Variants in GRAMD1A observed in about 807,000 individuals in gnomAD.
GRAMD1A encodes protein Aster-A.
A neutral mutation model predicts 92.0 loss-of-function variants in GRAMD1A; 50 were observed. The observed-to-expected ratio is 0.54, with a 90% confidence interval of 0.43 to 0.69. The LOEUF is 0.69. Among genes scored for constraint, GRAMD1A ranks in the 30% least tolerant of loss-of-function variants. The pLI, the probability that GRAMD1A is intolerant of heterozygous loss-of-function variation, is 0.00. For missense variants in GRAMD1A, 819 were observed against 978.9 expected (o/e 0.84, Z 2.18); for synonymous variants, 405 against 403.6 (o/e 1.00, Z -0.04).
chr19:35,009,033 A>G (rs1026414974), intron 1 of GRAMD1A, 86 bp from the exon 2 acceptor site: 52 of 854,102 alleles, frequency 6.1e-5, no homozygotes, highest in Middle Eastern at 2.3e-4. Context: ...TCGGGGATCA[A>G]TGGGTGGGCC....
Position 35,010,104 on chromosome 19 carries a change from C to G in GRAMD1A, c.338C>G (p.Ala113Gly). 1 of 1,609,196 alleles carries G rather than the reference C, an allele frequency of 6.2e-7. No individual in the cohort carries two copies. Among genetic ancestry groups the G allele is most frequent in the Non-Finnish European group, 8.5e-7 (1 of 1,175,482 alleles). ...CCGCCCCTCTCAGATTACTCCTGCGCCCTGCAGCGTGAGATCCTGCTCCAG... is the reference window on the plus strand; with the variant it reads ...CCGCCCCTCTCAGATTACTCCTGCGGCCTGCAGCGTGAGATCCTGCTCCAG... ...AERLIVDYSC[A>G]LQREILLQGR... The change falls in exon 5 of 20, where the codon GCC (alanine) becomes GGC (glycine). Residue 113 changes from alanine to glycine, a missense_variant. Around this residue, in one of 3 missense-constraint regions of GRAMD1A, gnomAD observed 144 missense variants for 220.3 expected, o/e 0.65. Transcript: ENST00000317991.
upstream of GRAMD1A, among the ~76,000 whole-genome samples, chr19:34,997,403 AAG>A (rs1555710302): frequency 6.1e-5 from 9 of 148,142 alleles, no homozygotes; most frequent in Admixed American, 2.0e-4. Flanking sequence ...AAAAAAAAAA[AAG>A]AAGAAGAAGA....
At chr19:35,010,560 C>G (rs1284452037) in intron 6 of GRAMD1A, 181 bp downstream of exon 6, 1 of 606,546 alleles carries the variant, frequency 1.6e-6, no homozygotes, top group South Asian at 1.9e-5. Flanking sequence ...CCTCTCCTCT[C>G]TTTCCCTGCA....
intron 10 of GRAMD1A, 101 bp downstream of exon 10, chr19:35,014,488 G>T: frequency 9.7e-7 from 1 of 1,026,190 alleles, no homozygotes; most frequent in African/African-American, 1.6e-5. Context: ...GAGAATCCAG[G>T]GGCAGGCGGG....
In GRAMD1A at chr19:35,019,329, C is replaced by T. The variant is rs374879914; in HGVS notation, c.1332+20C>T. The T allele has an allele frequency of 2.0e-5, 32 of 1,612,106 alleles. No homozygotes were observed. Among genetic ancestry groups the T allele is most frequent in the East Asian group, 2.2e-5 (1 of 44,860 alleles). ...ACACAGGTGGGCCAGGTGGGGCAGC[C>T]GAGTGGGTGGGGCAGCTGGGTGAGT... On this transcript the variant is annotated intron_variant, in intron 12 of 19. Transcript: ENST00000317991.
intron 17 of GRAMD1A, 76 bp from the exon 18 acceptor site, chr19:35,023,160 C>T: frequency 5.7e-6 from 6 of 1,046,778 alleles, no homozygotes; most frequent in South Asian, 5.1e-5. Context: ...AGAGGTGTCC[C>T]TACAAGATGT....
At chr19:35,023,891 C>T in intron 19 of GRAMD1A, 1 of 201,188 alleles carries the variant, frequency 5.0e-6, no homozygotes, top group Non-Finnish European at 1.0e-5. Flanking sequence ...CACCCTTTTC[C>T]CCCCACAGGG....
upstream of GRAMD1A, among the ~76,000 whole-genome samples, chr19:34,999,784 G>A (rs2151695073): frequency 6.6e-6 from 1 of 152,344 alleles, no homozygotes; most frequent in Admixed American, 6.5e-5. Context: ...TGGCCTGGCT[G>A]ACCAAAACTG....
chr19:35,003,202 A>AG (rs987915957), intron 1 of GRAMD1A, among the ~76,000 whole-genome samples: 1 of 151,604 alleles, frequency 6.6e-6, no homozygotes, highest in Non-Finnish European at 1.5e-5. Flanking sequence ...GAGAGAGGAA[A>AG]GAGACTCCTT....
At chr19:35,010,059 G>C (rs1568323287) in intron 4 of GRAMD1A, 33 bp from the exon 5 acceptor site, 1 of 1,541,838 alleles carries the variant, frequency 6.5e-7, no homozygotes, top group Non-Finnish European at 9.0e-7. Context: ...CTCGTGACTT[G>C]GGTGTCCTCC....
upstream of GRAMD1A, among the ~76,000 whole-genome samples, chr19:34,999,066 GCT>G (rs2014170063): frequency 6.6e-6 from 1 of 152,112 alleles, no homozygotes; most frequent in Non-Finnish European, 1.5e-5. Context: ...GTGGTCCCAG[GCT>G]CTCTCTGGCT....
At chr19:35,017,572 G>A (rs924534810) in intron 11 of GRAMD1A, among the ~76,000 whole-genome samples, 4 of 152,104 alleles carry the variant, frequency 2.6e-5, no homozygotes, top group African/African-American at 9.7e-5. Context: ...ACCCAGAGCT[G>A]TGGCTGCCCC....
chr19:35,013,609 G>T lies in GRAMD1A; in HGVS notation c.788G>T (p.Ser263Ile). The T allele has an allele frequency of 6.2e-7, 1 of 1,613,706 alleles. No individual in the cohort carries two copies. Among genetic ancestry groups the T allele is most frequent in the African/African-American group, 1.3e-5 (1 of 75,062 alleles). Residue 263 changes from serine to isoleucine, a missense_variant, in exon 9 of 20, where the codon AGC becomes ATC. By Grantham distance (142) the Ser-to-Ile change is moderately radical. This residue lies in a region of GRAMD1A where 577 missense variants were observed against 674.6 expected (regional missense o/e 0.86). Transcript: ENST00000317991. This position sits in a 1 kb window ranked among gnomAD's most constrained non-coding sequence, Gnocchi z 4.9. ...ACCTCCTCGGGGGCAGCTGACCGCA[G>T]CCAGGAGCCAAGCCCAGTGGGTTCG... ...DITSSGAADR[S>I]QEPSPVGSRR...
intron 19 of GRAMD1A, chr19:35,025,485 C>T (rs376236347): frequency 1.3e-5 from 2 of 152,732 alleles, no homozygotes; most frequent in African/African-American, 2.4e-5. Context: ...CTTAAGTGAT[C>T]CACCGGTCTC....
chr19:35,022,248 A>G (rs550237827), intron 16 of GRAMD1A, among the ~76,000 whole-genome samples: 95 of 152,186 alleles, frequency 6.2e-4, no homozygotes, highest in African/African-American at 2.2e-3. Flanking sequence ...GGGGGGGGCT[A>G]TGGGAGATCA....
rs562417464 is a variant in GRAMD1A at position 35,009,293 on chromosome 19, G to C, written c.183G>C (p.Gln61His). The C allele has an allele frequency of 8.1e-6, 13 of 1,614,064 alleles. No individual in the cohort carries two copies. In the African/African-American group the frequency reaches 1.5e-4, roughly 18 times the overall value. ...KGGVPGTPST[Q>H]SLGSRNFIRN... The stretch of plus-strand genomic sequence containing the variant: ...GGGTGCCTGGGACCCCCAGCACCCA[G>C]AGCCTAGGCAGCCGGAACTTCATCC... Residue 61 changes from glutamine to histidine, a missense_variant, in exon 2 of 20, where the codon CAG becomes CAC. Physicochemically the swap from Gln to His is conservative, Grantham distance 24. Transcript: ENST00000317991.
In GRAMD1A at chr19:35,009,945, C is replaced by G. The variant is rs1032318880; in HGVS notation, c.298C>G (p.Leu100Val). ...NEDFRKLFSK[L>V]PEAERLIVDY... is the part of the protein sequence containing the mutation. The stretch of plus-strand genomic sequence containing the variant: ...GGACTTCCGGAAACTGTTCAGCAAA[C>G]TCCCCGAAGCAGAACGCCTCATTGT... Residue 100 changes from leucine to valine, a missense_variant, in exon 4 of 20, where the codon CTC becomes GTC. Leu to Val is a conservative substitution (Grantham distance 32). Transcript: ENST00000317991. 6.2e-7 allele frequency: 1 copy of G among 1,612,038 alleles called. No individual in the cohort carries two copies. Among genetic ancestry groups the G allele is most frequent in the Non-Finnish European group, 8.5e-7 (1 of 1,178,112 alleles).
At chr19:35,010,055 A>C in intron 4 of GRAMD1A, 37 bp from the exon 5 acceptor site, 1 of 1,539,314 alleles carries the variant, frequency 6.5e-7, no homozygotes, top group Non-Finnish European at 9.0e-7. Context: ...GAGCCTCGTG[A>C]CTTGGGTGTC....
intron 17 of GRAMD1A, 77 bp downstream of exon 17, chr19:35,022,988 GC>G: frequency 8.7e-6 from 9 of 1,030,586 alleles, no homozygotes; most frequent in Non-Finnish European, 1.2e-5. Context: ...CCCACCCCAT[GC>G]CCCCCAGCTC....
Sources: allele counts gnomAD v4.1 joint callset (sites outside exome capture counted in the v4.1 genomes callset), GRCh38; gene constraint gnomAD v4.1.1; regional missense constraint gnomAD v4.1.1; non-coding constraint Gnocchi (gnomAD v3.1); transcripts MANE v1.5; gene names NCBI Gene and HGNC (gene_info 2026-07-23, HGNC 2026-07-21).